Variants in ACTR5 observed in about 807,000 individuals in gnomAD.
ACTR5 encodes actin related protein 5, also known as actin-related protein 5.
ACTR5 carries 43 observed loss-of-function variants against 61.2 expected under a neutral mutation model. The ratio of observed to expected loss-of-function variants is 0.70; its 90% CI spans 0.55 to 0.91. The LOEUF is 0.91. Among genes scored for constraint, ACTR5 ranks in the 40% least tolerant of loss-of-function variants. The probability of loss-of-function intolerance (pLI) is 0.00; values close to 1 mark genes in which losing one functional copy is unlikely to be tolerated. For synonymous variants in ACTR5, 333 were observed against 310.5 expected, an observed-to-expected ratio of 1.07 and a Z score of -0.76; for missense variants, 798 against 782.2, an observed-to-expected ratio of 1.02 and a Z score of -0.24.
At chr20:38,763,468 A>G (rs973360666) in intron 5 of ACTR5, among the ~76,000 whole-genome samples, 2 of 152,192 alleles carry the variant, frequency 1.3e-5, no homozygotes, top group African/African-American at 2.4e-5. Flanking sequence ...TTGCTGCTGC[A>G]TGTAAAATCT....
Position 38,766,521 on chromosome 20 carries a change from C to G in ACTR5, c.1433+144C>G, listed in dbSNP as rs950285696. 15 of 1,106,806 alleles carry G rather than the reference C, an allele frequency of 1.4e-5. No homozygotes were observed. In the East Asian group the frequency reaches 2.0e-4, roughly 15 times the overall value. The allele number at this position is 1,106,806 out of a possible 1,614,324, so 68.6% of individuals were successfully genotyped here. On this transcript the variant is annotated intron_variant, in intron 7 of 8. Coordinates refer to ENST00000243903, the MANE Select transcript of ACTR5 (RefSeq NM_024855.4). ...TGACTTGCTGTGCTCAGATAGTATT[C>G]CCTTCATCTCTTATCACCAGGCCTG...
At chr20:38,750,322 T>A in intron 2 of ACTR5, 83 bp downstream of exon 2, 1 of 1,220,542 alleles carries the variant, frequency 8.2e-7, no homozygotes, top group Non-Finnish European at 1.2e-6. Flanking sequence ...AAAGGCAGAG[T>A]AGAAAGAGCA....
intron 5 of ACTR5, among the ~76,000 whole-genome samples, chr20:38,763,183 C>T (rs2084464988): frequency 6.6e-6 from 1 of 152,184 alleles, no homozygotes; most frequent in Non-Finnish European, 1.5e-5. Flanking sequence ...CCTCCTGGTT[C>T]CTGGTTCCCC....
rs533929635 is a variant in ACTR5, at chr20:38,750,246, T to G, written c.605+7T>G. The G allele has an allele frequency of 6.2e-7, 1 of 1,609,978 alleles. No homozygotes were observed. Among genetic ancestry groups the G allele is most frequent in the African/African-American group, 1.3e-5 (1 of 74,892 alleles). ...TACCCATCTTAGAAGGGAGGTGAGT[T>G]GCACTTGTGGCATTTGAGTGCGATT... is the stretch of plus-strand genomic sequence containing the variant. On this transcript the variant is annotated splice_region_variant and intron_variant, in intron 2 of 8. Coordinates refer to ENST00000243903, the MANE Select transcript of ACTR5 (RefSeq NM_024855.4).
chr20:38,752,903 A>G (rs908159178), intron 3 of ACTR5, among the ~76,000 whole-genome samples: 2 of 151,518 alleles, frequency 1.3e-5, no homozygotes, highest in African/African-American at 4.9e-5. Context: ...GAGCTCCTGA[A>G]GGACAAAAAC....
In ACTR5 at chr20:38,766,260, A is replaced by G. The variant is rs1235425267; in HGVS notation, c.1316A>G (p.Tyr439Cys). 1 of 1,612,940 alleles carries G rather than the reference A, an allele frequency of 6.2e-7. No individual in the cohort carries two copies. Among genetic ancestry groups the G allele is most frequent in the Non-Finnish European group, 8.5e-7 (1 of 1,179,770 alleles). Residue 439 changes from tyrosine to cysteine, a missense_variant, in exon 7 of 9, where the codon TAT (tyrosine) becomes TGT (cysteine). By Grantham distance (194) the Tyr-to-Cys change is radical (BLOSUM62 -2). Coordinates refer to ENST00000243903, the MANE Select transcript of ACTR5 (RefSeq NM_024855.4). Reference sequence around the variant, plus strand: ...AAGCCCGTGTTTAACTTGGCAGCATATCATCAGCTATTTGTTGGGACAGAA... The same window carrying G: ...AAGCCCGTGTTTAACTTGGCAGCATGTCATCAGCTATTTGTTGGGACAGAA... ...TVQPVFNLAAYHQLFVGTERI... is the reference protein window; with the variant it reads ...TVQPVFNLAACHQLFVGTERI...
At chr20:38,763,148 G>T (rs1339012867) in intron 5 of ACTR5, among the ~76,000 whole-genome samples, 1 of 152,164 alleles carries the variant, frequency 6.6e-6, no homozygotes, top group Non-Finnish European at 1.5e-5. Flanking sequence ...TCCAGAGCCT[G>T]ACCACCTTCT....
chr20:38,762,545 T>C (rs1386258698), intron 5 of ACTR5, among the ~76,000 whole-genome samples: 4 of 152,180 alleles, frequency 2.6e-5, no homozygotes, highest in Non-Finnish European at 4.4e-5. Flanking sequence ...AAGTCACTGT[T>C]GTGACCTTCT....
chr20:38,770,676 C>T (rs1267894995), intron 8 of ACTR5, among the ~76,000 whole-genome samples: 1 of 152,188 alleles, frequency 6.6e-6, no homozygotes, highest in African/African-American at 2.4e-5. Context: ...ATGTGCCTTA[C>T]ACTCATGCAC....
At chr20:38,766,850 T>C (rs1264197789) in intron 7 of ACTR5, among the ~76,000 whole-genome samples, 1 of 152,178 alleles carries the variant, frequency 6.6e-6, no homozygotes, top group Non-Finnish European at 1.5e-5. Context: ...TAATTCAAGT[T>C]GGGCAAGTAG....
intron 1 of ACTR5, 63 bp from the exon 2 acceptor site, chr20:38,749,947 T>C: frequency 6.8e-7 from 1 of 1,470,602 alleles, no homozygotes; most frequent in Non-Finnish European, 9.3e-7. Flanking sequence ...TTTTGGGTTC[T>C]TTTATGCTTC....
At position 38,767,598 on chromosome 20, in the gene ACTR5, T is replaced by TCGA; in HGVS notation, c.1566+2_1566+3insCGA. On this transcript the variant is annotated splice_region_variant and intron_variant, in intron 8 of 8. Transcript: ENST00000243903. Reference sequence around the variant, plus strand: ...AGACCCTTCCGGTCTTCTTTTCAGGTACTGATTGTTCGAGTAGTCAATTAT... The same window carrying TCGA: ...AGACCCTTCCGGTCTTCTTTTCAGGTCGAACTGATTGTTCGAGTAGTCAATTAT... 2 of 1,604,156 alleles carry TCGA rather than the reference T, an allele frequency of 1.2e-6. No individual in the cohort carries two copies. The highest frequency in any genetic ancestry group is 4.5e-5 in the East Asian group (2 of 44,758).
chr20:38,748,680 G>C lies in ACTR5; in HGVS notation c.202G>C (p.Gly68Arg). ...RLQFRAVCAR[G>R]RGGARGASGP... ...GCAGTTCCGCGCGGTGTGCGCCCGC[G>C]GTCGTGGCGGGGCACGGGGCGCGTC... Residue 68 changes from glycine to arginine, a missense_variant, in exon 1 of 9, where the codon GGT becomes CGT. Transcript: ENST00000243903. 1 of 1,520,132 alleles carries C rather than the reference G, an allele frequency of 6.6e-7. No individual in the cohort carries two copies. The highest frequency in any genetic ancestry group is 8.8e-7 in the Non-Finnish European group (1 of 1,136,674). 94.2% of individuals were successfully genotyped at this position (1,520,132 alleles called of 1,614,324 possible). A position where few individuals can be genotyped will look rare whatever the true frequency, so the allele number is the denominator to read the frequency against.
At chr20:38,758,899 T>C (rs2084436465) in intron 5 of ACTR5, among the ~76,000 whole-genome samples, 1 of 152,238 alleles carries the variant, frequency 6.6e-6, no homozygotes, top group African/African-American at 2.4e-5. Context: ...TAAGCAGTAA[T>C]GGCTGAACTG....
In ACTR5 at chr20:38,772,129, A is replaced by T. The variant is rs932276123; in HGVS notation, c.*313A>T. 1 of 334,820 alleles carries T rather than the reference A, an allele frequency of 3.0e-6. No individual in the cohort carries two copies. Among genetic ancestry groups the T allele is most frequent in the African/African-American group, 2.1e-5 (1 of 48,700 alleles). The allele number at this position is 334,820 out of a possible 1,614,324, so 20.7% of individuals were successfully genotyped here. ...TGGAGGACACAAATGTACAAAATGCACAAGACTGATTTCTTACCACATTTT... is the reference window on the plus strand; with the variant it reads ...TGGAGGACACAAATGTACAAAATGCTCAAGACTGATTTCTTACCACATTTT... On this transcript the variant is annotated 3_prime_UTR_variant, in exon 9 of 9. Transcript: ENST00000243903.
intron 8 of ACTR5, among the ~76,000 whole-genome samples, chr20:38,769,564 G>A (rs1431904522): frequency 1.3e-5 from 2 of 152,166 alleles, no homozygotes; most frequent in East Asian, 1.9e-4. Flanking sequence ...CGGGAGGGAG[G>A]ACAGGCTTAA....
In ACTR5 at chr20:38,752,154, G is replaced by A. The variant is rs780725473; in HGVS notation, c.629G>A (p.Arg210His). The A allele has an allele frequency of 5.6e-6, 9 of 1,613,438 alleles. No homozygotes were observed. Among genetic ancestry groups the A allele is most frequent in the Admixed American group, 5.0e-5 (3 of 59,960 alleles). ...AGATTAGATGCTAAAAACTGCAAGC[G>A]CATCAATCTTGGAGGAAGCCAAGCA... ...EGRLDAKNCK[R>H]INLGGSQAAG... is the part of the protein sequence containing the mutation. The change falls in exon 3 of 9, where the codon CGC (arginine) becomes CAC (histidine). Residue 210 changes from arginine (R) to histidine (H), a missense_variant. Physicochemically the swap from Arg to His is conservative, Grantham distance 29 (BLOSUM62 0). Coordinates refer to ENST00000243903, the MANE Select transcript of ACTR5 (RefSeq NM_024855.4).
chr20:38,770,182 T>C (rs2084511884), intron 8 of ACTR5, among the ~76,000 whole-genome samples: 1 of 151,532 alleles, frequency 6.6e-6, no homozygotes, highest in Non-Finnish European at 1.5e-5. Context: ...CACTAAGCCC[T>C]AATGTTCCAA....
chr20:38,748,709 C>A lies in ACTR5; in HGVS notation c.231C>A (p.Gly77=). ...RGRGGARGAS[G]PQVGNALGSL... ...GTGGCGGGGCACGGGGCGCGTCGGG[C>A]CCGCAGGTGGGGAACGCTCTGGGCA... The change falls in exon 1 of 9, where the codon GGC becomes GGA. Residue 77 remains glycine, a synonymous_variant. Coordinates refer to ENST00000243903, the MANE Select transcript of ACTR5 (RefSeq NM_024855.4). The A allele has an allele frequency of 6.5e-7, 1 of 1,533,400 alleles. No homozygotes were observed. The highest frequency in any genetic ancestry group is 8.8e-7 in the Non-Finnish European group (1 of 1,141,894). The allele number at this position is 1,533,400 out of a possible 1,614,324, so 95.0% of individuals were successfully genotyped here.
Sources: allele counts gnomAD v4.1 joint callset (sites outside exome capture counted in the v4.1 genomes callset), GRCh38; gene constraint gnomAD v4.1.1; transcripts MANE v1.5; gene names NCBI Gene and HGNC (gene_info 2026-07-23, HGNC 2026-07-21).